SORCS2: variants seen among roughly 807,000 people sequenced by gnomAD.
The protein encoded by SORCS2 is sortilin related VPS10 domain containing receptor 2.
A neutral mutation model predicts 141.6 loss-of-function variants in SORCS2; 100 were observed. The observed-to-expected ratio is 0.71, with a 90% CI of 0.60 to 0.83. The LOEUF (loss-of-function observed/expected upper bound fraction) is 0.83, where lower values mean the gene tolerates loss of function less well. SORCS2 is among the 40% of genes least tolerant of loss of function. The probability of loss-of-function intolerance (pLI) is 0.00; values close to 1 mark genes in which losing one functional copy is unlikely to be tolerated. For missense variants in SORCS2, 1,646 were observed against 1,560.2 expected, an observed-to-expected ratio of 1.05 and a Z score of -0.93; for synonymous variants, 789 against 676.9, an observed-to-expected ratio of 1.17 and a Z score of -2.57.
chr4:7,586,586 T>C (rs1005953852), intron 3 of SORCS2, among the ~76,000 whole-genome samples: 1 of 152,176 alleles, frequency 6.6e-6, no homozygotes, highest in African/African-American at 2.4e-5. Flanking sequence ...GGTGTTTGGT[T>C]TTTCTGTTCC....
At chr4:7,321,967 G>C (rs1308717440) in intron 1 of SORCS2, among the ~76,000 whole-genome samples, 1 of 152,226 alleles carries the variant, frequency 6.6e-6, no homozygotes, top group South Asian at 2.1e-4. Flanking sequence ...CCGGGTGGCT[G>C]TATTGACCGT....
intron 1 of SORCS2, among the ~76,000 whole-genome samples, chr4:7,203,863 C>T (rs1577271518): frequency 6.6e-6 from 1 of 152,158 alleles, no homozygotes; most frequent in Non-Finnish European, 1.5e-5. Context: ...TACTTTCTGT[C>T]TCTATGAATT....
At chr4:7,550,499 C>A (rs1184976021) in intron 3 of SORCS2, among the ~76,000 whole-genome samples, 3 of 152,184 alleles carry the variant, frequency 2.0e-5, no homozygotes, top group Non-Finnish European at 4.4e-5. Flanking sequence ...AGGCTCACAG[C>A]CGCAGAAAGG....
intron 1 of SORCS2, among the ~76,000 whole-genome samples, chr4:7,274,799 C>T (rs1261608361): frequency 1.3e-5 from 2 of 152,160 alleles, no homozygotes; most frequent in African/African-American, 4.8e-5. Context: ...TGGTGTATCC[C>T]ACATCAGTGT....
intron 1 of SORCS2, among the ~76,000 whole-genome samples, chr4:7,243,455 C>G (rs1712850241): frequency 6.6e-6 from 1 of 152,106 alleles, no homozygotes; most frequent in Admixed American, 6.5e-5. Context: ...GAGACAAGGC[C>G]AGACCAGCTG....
rs928164127 is a variant in SORCS2 at position 7,648,440 on chromosome 4, C to G, written c.814-5694C>G. 6.6e-6 allele frequency among the ~76,000 whole-genome samples: 1 copy of G among 152,136 alleles called. No individual in the cohort carries two copies. The highest frequency in any genetic ancestry group is 2.4e-5 in the African/African-American group (1 of 41,416). ...GAGTAGGCCTGATGTCACCCCCAGG[C>G]AGCAGCGACCTTGGGACTCAGCCCC... On this transcript the variant is annotated intron_variant, in intron 4 of 26. Transcript: ENST00000507866. This position sits in a 1 kb window ranked among gnomAD's most constrained non-coding sequence, Gnocchi z 4.2.
chr4:7,396,916 A>G (rs1460775850), intron 2 of SORCS2, among the ~76,000 whole-genome samples: 1 of 152,216 alleles, frequency 6.6e-6, no homozygotes, highest in Admixed American at 6.5e-5. Context: ...GGAGGATTTG[A>G]GAACCCATTT....
chr4:7,597,302 G>A (rs768563182), intron 3 of SORCS2, among the ~76,000 whole-genome samples: 37 of 151,208 alleles, frequency 2.4e-4, no homozygotes, highest in Non-Finnish European at 4.9e-4. Context: ...AATCGGAGAT[G>A]GGGCTCTTGC....
chr4:7,547,968 G>A (rs1577730915), intron 3 of SORCS2, among the ~76,000 whole-genome samples: 2 of 152,168 alleles, frequency 1.3e-5, no homozygotes, highest in African/African-American at 4.8e-5. Flanking sequence ...GTTCACTGCA[G>A]GCCAACATCT....
At chr4:7,292,133 G>C (rs1716647939) in intron 1 of SORCS2, among the ~76,000 whole-genome samples, 1 of 152,208 alleles carries the variant, frequency 6.6e-6, no homozygotes, top group Non-Finnish European at 1.5e-5. Context: ...CTCCTGGGGA[G>C]AAAAGCTGGG....
chr4:7,264,244 A>G (rs1268857621), intron 1 of SORCS2, among the ~76,000 whole-genome samples: 1 of 152,238 alleles, frequency 6.6e-6, no homozygotes, highest in Non-Finnish European at 1.5e-5. Context: ...GTATTTCTCC[A>G]GCAAAGCGAG....
rs781535511 is a variant in SORCS2, at chr4:7,433,514, T to C, written c.548+37159T>C. ...TTGCACACAGCCACGGGGTCCATCA[T>C]GTCCTTGAGACTCTCAATGAGCACG... is the stretch of plus-strand genomic sequence containing the variant. On this transcript the variant is annotated intron_variant, in intron 2 of 26. Coordinates refer to ENST00000507866, the MANE Select transcript of SORCS2 (RefSeq NM_020777.3). 3 of 1,607,128 alleles carry C rather than the reference T, an allele frequency of 1.9e-6. No individual in the cohort carries two copies. The African/African-American group carries it at 4.0e-5, about 21-fold the overall frequency.
At chr4:7,724,489 G>GTGGTGA (rs1560113913) in intron 19 of SORCS2, among the ~76,000 whole-genome samples, 1 of 143,850 alleles carries the variant, frequency 7.0e-6, no homozygotes, top group Non-Finnish European at 1.5e-5. Flanking sequence ...GGTGATGGTG[G>GTGGTGA]TGGTGGTGAC....
At chr4:7,673,499 A>G (rs1278245991) in intron 8 of SORCS2, among the ~76,000 whole-genome samples, 1 of 152,204 alleles carries the variant, frequency 6.6e-6, no homozygotes. Context: ...GATCACTTTA[A>G]TGGCAGAGAA....
rs141384328 is a variant in SORCS2, at chr4:7,590,751, C to G, written c.649-47577C>G. ...AAGATTCATGAAGTTCAGGTGTGAG[C>G]CACTGCGCCGGCTACTGCTGACACC... is the stretch of plus-strand genomic sequence containing the variant. On this transcript the variant is annotated intron_variant, in intron 3 of 26. Transcript: ENST00000507866. Among the ~76,000 whole-genome samples, 424 of 152,280 alleles carry G rather than the reference C, an allele frequency of 2.8e-3. 3 individuals are homozygous for G. Among genetic ancestry groups the G allele is most frequent in the Middle Eastern group, 0.017 (5 of 294 alleles).
chr4:7,306,361 T>TG (rs955726383), intron 1 of SORCS2, among the ~76,000 whole-genome samples: 40 of 139,596 alleles, frequency 2.9e-4, no homozygotes, highest in African/African-American at 1.1e-3. Flanking sequence ...TGGCTTCTGG[T>TG]GGGGGTGGGT....
intron 2 of SORCS2, among the ~76,000 whole-genome samples, chr4:7,469,125 G>A (rs376700805): frequency 7.2e-6 from 1 of 138,626 alleles, no homozygotes; most frequent in African/African-American, 3.5e-5. Context: ...TGATGGTGCT[G>A]ATAGTGGTCA....
chr4:7,610,751 C>CAAGT (rs1718353923), intron 3 of SORCS2, among the ~76,000 whole-genome samples: 1 of 152,068 alleles, frequency 6.6e-6, no homozygotes, highest in Non-Finnish European at 1.5e-5. Context: ...AAGGGGCCAA[C>CAAGT]AAGTAAGTAG....
chr4:7,483,203 G>A (rs943478571), intron 2 of SORCS2, among the ~76,000 whole-genome samples: 1 of 151,692 alleles, frequency 6.6e-6, no homozygotes, highest in African/African-American at 2.4e-5. Flanking sequence ...GGCACCTGTA[G>A]TCCCAGCTAC....
Sources: gnomAD v4.1 joint callset for allele counts (sites outside exome capture counted in the v4.1 genomes callset) on GRCh38, gnomAD v4.1.1 for gene constraint, Gnocchi (gnomAD v3.1) non-coding constraint, MANE v1.5 for transcripts, NCBI Gene and HGNC (gene_info 2026-07-23, HGNC 2026-07-21) for gene names.